LRBA: variants seen among roughly 807,000 people sequenced by gnomAD.
The protein encoded by LRBA is lipopolysaccharide-responsive and beige-like anchor protein.
A neutral mutation model predicts 330.0 loss-of-function variants in LRBA; 176 were observed. The ratio of observed to expected loss-of-function variants is 0.53; its 90% CI spans 0.47 to 0.60. The LOEUF (loss-of-function observed/expected upper bound fraction) is 0.60. LRBA is among the 20% of genes least tolerant of loss of function. The pLI is 0.00. For missense variants in LRBA, 3,259 were observed against 3,444.8 expected (o/e 0.95, Z 1.35); for synonymous variants, 1,230 against 1,193.0 (o/e 1.03, Z -0.64).
intron 53 of LRBA, among the ~76,000 whole-genome samples, chr4:150,291,053 C>T (rs1187997430): frequency 2.0e-5 from 3 of 148,918 alleles, no homozygotes; most frequent in African/African-American, 7.4e-5. Context: ...TGCGCTGCAC[C>T]CACTAACTCG....
intron 40 of LRBA, among the ~76,000 whole-genome samples, chr4:150,569,159 C>T (rs1769526010): frequency 6.6e-6 from 1 of 151,924 alleles, no homozygotes; most frequent in African/African-American, 2.4e-5. Context: ...TGCATCTTTC[C>T]AACATCTGCT....
chr4:150,476,254 C>T (rs1478213946), intron 42 of LRBA, among the ~76,000 whole-genome samples: 1 of 152,126 alleles, frequency 6.6e-6, no homozygotes, highest in African/African-American at 2.4e-5. Flanking sequence ...TCACTTAATA[C>T]TACTTTAGCT....
intron 2 of LRBA, 187 bp downstream of exon 2, chr4:151,014,238 TAA>T (rs1447878340): frequency 5.5e-6 from 3 of 546,348 alleles, no homozygotes; most frequent in Non-Finnish European, 9.8e-6. Flanking sequence ...CTGGATCATC[TAA>T]GTTTGCACAA....
chr4:150,852,389 A>ATCTTCC lies in LRBA; in HGVS notation c.3315_3320dup (p.Glu1105_Glu1106dup), dbSNP rs755651634. On this transcript the variant is annotated inframe_insertion, in exon 23 of 57. Transcript: ENST00000651943. ...CTACTTTCAGTTCCACATAATCATC[A>ATCTTCC]TCTTCCTCTTCCTCTACTATAGATT... is the stretch of plus-strand genomic sequence containing the variant. 6.2e-7 allele frequency: 1 copy of ATCTTCC among 1,613,488 alleles called. No individual in the cohort carries two copies. The highest frequency in any genetic ancestry group is 1.3e-5 in the African/African-American group (1 of 74,896).
chr4:150,637,186 A>T (rs1778008510), intron 37 of LRBA, among the ~76,000 whole-genome samples: 1 of 152,164 alleles, frequency 6.6e-6, no homozygotes, highest in Non-Finnish European at 1.5e-5. Flanking sequence ...CTAAAAAAAA[A>T]ATCTAAGCTT....
At chr4:150,713,039 C>G (rs1786389698) in intron 36 of LRBA, among the ~76,000 whole-genome samples, 1 of 152,058 alleles carries the variant, frequency 6.6e-6, no homozygotes, top group African/African-American at 2.4e-5. Context: ...TGGACTCAAG[C>G]AATCTGCCCA....
At chr4:150,538,324 G>C (rs1764903583) in intron 40 of LRBA, among the ~76,000 whole-genome samples, 1 of 152,120 alleles carries the variant, frequency 6.6e-6, no homozygotes, top group Admixed American at 6.5e-5. Context: ...CTACCAAAAA[G>C]ACACATGCAC....
At chr4:150,803,081 T>TAC (rs1335838704) in intron 33 of LRBA, among the ~76,000 whole-genome samples, 27 of 111,022 alleles carry the variant, frequency 2.4e-4, no homozygotes, top group East Asian at 1.6e-3. Flanking sequence ...AAAAAATATA[T>TAC]ATACACACAC....
rs530711423 is a variant in LRBA at position 150,792,129 on chromosome 4, C to T, written c.5580+5952G>A. Reference sequence around the variant, plus strand: ...ATTTTTTGGTTGGCAAAAAATAATCCTTTATTTCATTACCTCAATTATTTC... The same window carrying T: ...ATTTTTTGGTTGGCAAAAAATAATCTTTTATTTCATTACCTCAATTATTTC... On this transcript the variant is annotated intron_variant, in intron 34 of 56. Transcript: ENST00000651943. 2.0e-5 allele frequency among the ~76,000 whole-genome samples: 3 copies of T among 149,476 alleles called. No individual in the cohort carries two copies. The East Asian group carries it at 5.9e-4, about 29-fold the overall frequency.
intron 40 of LRBA, among the ~76,000 whole-genome samples, chr4:150,531,474 T>A (rs573761931): frequency 6.6e-6 from 1 of 152,306 alleles, no homozygotes; most frequent in African/African-American, 2.4e-5. Context: ...CTTTCCTTTG[T>A]CCTTAGTAAT....
intron 56 of LRBA, among the ~76,000 whole-genome samples, chr4:150,273,251 A>C (rs1746361124): frequency 6.6e-6 from 1 of 152,160 alleles, no homozygotes; most frequent in Non-Finnish European, 1.5e-5. Context: ...CTTTACAGAC[A>C]AGCAAGTGTT....
At position 150,411,392 on chromosome 4, in the gene LRBA, A is replaced by G. The variant is rs188912159; in HGVS notation, c.7194+4046T>C. Among the ~76,000 whole-genome samples the G allele has an allele frequency of 5.2e-3, 786 of 152,288 alleles. 8 individuals carry two copies. Among genetic ancestry groups the G allele is most frequent in the Non-Finnish European group, 6.1e-3 (412 of 68,016 alleles). On this transcript the variant is annotated intron_variant, in intron 47 of 56. Transcript: ENST00000651943. The stretch of plus-strand genomic sequence containing the variant: ...AAAATCATGCTCCTAAAAATACCCT[A>G]TCCTCTTGAATTAACAACCAAATAC...
chr4:150,638,772 A>C (rs575577271), intron 37 of LRBA, among the ~76,000 whole-genome samples: 1 of 123,338 alleles, frequency 8.1e-6, no homozygotes, highest in Admixed American at 8.9e-5. Context: ...AAACTAGTTC[A>C]ACCATTGTGG....
At chr4:150,672,413 A>G (rs1049640626) in intron 37 of LRBA, among the ~76,000 whole-genome samples, 6 of 151,920 alleles carry the variant, frequency 3.9e-5, no homozygotes. Flanking sequence ...GCAGAAGTAT[A>G]TACTTACTAA....
intron 23 of LRBA, among the ~76,000 whole-genome samples, chr4:150,851,240 G>C (rs1299686689): frequency 6.6e-6 from 1 of 152,186 alleles, no homozygotes; most frequent in Non-Finnish European, 1.5e-5. Flanking sequence ...TAGAATCTAA[G>C]TGGCATTTGG....
At chr4:150,680,032 T>G (rs1264216854) in intron 37 of LRBA, among the ~76,000 whole-genome samples, 1 of 152,154 alleles carries the variant, frequency 6.6e-6, no homozygotes, top group Non-Finnish European at 1.5e-5. Context: ...GTCATCTACA[T>G]GAAAGATGAT....
intron 40 of LRBA, among the ~76,000 whole-genome samples, chr4:150,506,978 T>A (rs1561278410): frequency 6.6e-6 from 1 of 151,794 alleles, no homozygotes; most frequent in Admixed American, 6.6e-5. Context: ...CCATTCACAA[T>A]TGCTTCAAAG....
chr4:150,768,757 A>G (rs1176042795), intron 34 of LRBA, among the ~76,000 whole-genome samples: 1 of 151,978 alleles, frequency 6.6e-6, no homozygotes, highest in African/African-American at 2.4e-5. Flanking sequence ...CTGTGATGAC[A>G]GACACCAAAG....
intron 54 of LRBA, among the ~76,000 whole-genome samples, chr4:150,283,430 C>A (rs912967322): frequency 1.3e-5 from 2 of 152,144 alleles, no homozygotes; most frequent in South Asian, 2.1e-4. Context: ...GAATAAGGAA[C>A]AAAAATTGCT....
Sources: allele counts gnomAD v4.1 joint callset (sites outside exome capture counted in the v4.1 genomes callset), GRCh38; gene constraint gnomAD v4.1.1; transcripts MANE v1.5; gene names NCBI Gene and HGNC (gene_info 2026-07-23, HGNC 2026-07-21).